The following NCAPD3 variants were observed in gnomAD, a reference collection of about 807,000 sequenced individuals.
NCAPD3 encodes condensin-2 complex subunit D3.
NCAPD3 carries 105 observed loss-of-function variants against 182.9 expected under a neutral mutation model. The observed-to-expected ratio is 0.57, with a 90% confidence interval of 0.49 to 0.68. The LOEUF is 0.68. Among genes scored for constraint, NCAPD3 ranks in the 30% least tolerant of loss-of-function variants. The pLI is 0.00. For synonymous variants in NCAPD3, 815 were observed against 679.9 expected (o/e 1.20, Z -3.09); for missense variants, 1,944 against 1,837.0 (o/e 1.06, Z -1.07).
At chr11:134,156,923 C>A in intron 32 of NCAPD3, 95 bp downstream of exon 32, 1 of 1,107,804 alleles carries the variant, frequency 9.0e-7, no homozygotes. Flanking sequence ...CAGAACTATC[C>A]TGCACCGGAA....
At position 134,160,088 on chromosome 11, in the gene NCAPD3, A is replaced by G; in HGVS notation, c.3685-14T>C. ...CTGCATCACCTCCTGAAACAGAGCC[A>G]GGAGCATCCTTTCATGTTTTCTTGA... On this transcript the variant is annotated splice_polypyrimidine_tract_variant and intron_variant, in intron 28 of 34. Transcript: ENST00000534548. The G allele has an allele frequency of 6.2e-7, 1 of 1,611,802 alleles. No individual in the cohort carries two copies.
intron 30 of NCAPD3, 60 bp from the exon 31 acceptor site, chr11:134,158,127 T>C (rs2120528104): frequency 1.3e-6 from 2 of 1,580,300 alleles, no homozygotes; most frequent in Non-Finnish European, 1.7e-6. Flanking sequence ...GAGGTGACAG[T>C]GCTGCACTGT....
At chr11:134,200,949 G>A (rs187080754) in intron 13 of NCAPD3, among the ~76,000 whole-genome samples, 1 of 151,992 alleles carries the variant, frequency 6.6e-6, no homozygotes, top group East Asian at 1.9e-4. Flanking sequence ...TTGAAAACAC[G>A]CTATAGGTGA....
At chr11:134,214,658 C>T (rs747132408) in intron 3 of NCAPD3, among the ~76,000 whole-genome samples, 4 of 152,084 alleles carry the variant, frequency 2.6e-5, no homozygotes, top group Non-Finnish European at 4.4e-5. Context: ...GAATAAATCT[C>T]GATCTAGATT....
chr11:134,167,901 G>C, intron 27 of NCAPD3, 95 bp downstream of exon 27: 1 of 1,106,316 alleles, frequency 9.0e-7, no homozygotes, highest in Non-Finnish European at 1.3e-6. Context: ...TCACTTGTGA[G>C]ATGAGCTTGG....
upstream of NCAPD3, chr11:134,224,382 C>G (rs1045051794): frequency 9.4e-6 from 2 of 212,882 alleles, no homozygotes; most frequent in Non-Finnish European, 1.9e-5. Flanking sequence ...GAAAGGCAGC[C>G]CAACGTGTAT....
intron 16 of NCAPD3, among the ~76,000 whole-genome samples, chr11:134,189,055 C>G (rs943945893): frequency 1.1e-4 from 17 of 152,108 alleles, no homozygotes; most frequent in Admixed American, 5.2e-4. Flanking sequence ...CAAATTAATA[C>G]AAAGAGCTGT....
chr11:134,157,897 T>C (rs1270378017), intron 31 of NCAPD3, 31 bp downstream of exon 31: 3 of 1,594,270 alleles, frequency 1.9e-6, no homozygotes, highest in Non-Finnish European at 2.6e-6. Context: ...GTAAATGCTC[T>C]ACTGTGTCTG....
intron 24 of NCAPD3, among the ~76,000 whole-genome samples, chr11:134,175,081 A>T (rs1361478106): frequency 6.6e-6 from 1 of 152,240 alleles, no homozygotes; most frequent in Admixed American, 6.5e-5. Flanking sequence ...ACGGTAAAGT[A>T]TATCTATGCT....
chr11:134,163,871 C>CCA (rs1943670724), intron 27 of NCAPD3, among the ~76,000 whole-genome samples: 1 of 70,904 alleles, frequency 1.4e-5, no homozygotes, highest in African/African-American at 5.3e-5. Context: ...GATTCTGTCT[C>CCA]AAAAAAAAAA....
intron 13 of NCAPD3, among the ~76,000 whole-genome samples, chr11:134,202,134 C>T (rs929665694): frequency 2.6e-5 from 4 of 152,208 alleles, no homozygotes; most frequent in Non-Finnish European, 5.9e-5. Flanking sequence ...AGGACCAGAT[C>T]AAGGTTTATT....
At position 134,210,934 on chromosome 11, in the gene NCAPD3, T is replaced by C. The variant is rs114389032; in HGVS notation, c.383-480A>G. Among the ~76,000 whole-genome samples, 637 of 152,278 alleles carry C rather than the reference T, an allele frequency of 4.2e-3. 4 individuals carry two copies. The highest frequency in any genetic ancestry group is 0.015 in the African/African-American group (610 of 41,556). ...AGAAAGACAGGGTAGATGGAATTTA[T>C]AGAACAGAAGAACCTACACAGAAAA... On this transcript the variant is annotated intron_variant, in intron 3 of 34. Transcript: ENST00000534548.
At chr11:134,206,358 T>C (rs953886491) in intron 8 of NCAPD3, among the ~76,000 whole-genome samples, 1 of 152,196 alleles carries the variant, frequency 6.6e-6, no homozygotes, top group Non-Finnish European at 1.5e-5. Context: ...GCAAACAAGC[T>C]GGAGGCTGGC....
At chr11:134,209,262 C>T in intron 5 of NCAPD3, 51 bp downstream of exon 5, 3 of 1,609,622 alleles carry the variant, frequency 1.9e-6, no homozygotes, top group African/African-American at 1.3e-5. Flanking sequence ...AGGTATTAGC[C>T]ATAGTCTAAT....
chr11:134,207,102 C>T (rs1173253940), intron 7 of NCAPD3, among the ~76,000 whole-genome samples: 3 of 152,202 alleles, frequency 2.0e-5, no homozygotes, highest in African/African-American at 7.2e-5. Flanking sequence ...CGATACTTTA[C>T]ACCTGCTTTT....
chr11:134,225,173 C>T (rs1267285680), upstream of NCAPD3: 3 of 1,613,996 alleles, frequency 1.9e-6, no homozygotes, highest in Admixed American at 5.0e-5. Flanking sequence ...TCCTTCTGAA[C>T]GATGCAGAGA....
intron 27 of NCAPD3, among the ~76,000 whole-genome samples, chr11:134,163,700 C>CA (rs57961196): frequency 0.16 from 10,788 of 65,978 alleles, 828 homozygotes; most frequent in Non-Finnish European, 0.2. Context: ...TACTGTGTCT[C>CA]AAAAAAAAAA....
chr11:134,154,638 G>GGGTGGTGCAGCCTCGCCCC, intron 32 of NCAPD3, among the ~76,000 whole-genome samples: 1 of 149,526 alleles, frequency 6.7e-6, no homozygotes. Flanking sequence ...GGGTGGTGCT[G>GGGTGGTGCAGCCTCGCCCC]TACCCAGTGC....
At chr11:134,223,768 C>A in intron 1 of NCAPD3, 95 bp downstream of exon 1, 1 of 1,449,184 alleles carries the variant, frequency 6.9e-7, no homozygotes, top group Admixed American at 2.0e-5. Context: ...GCCCCCACCC[C>A]GCCCCCACCG....
Sources: allele counts gnomAD v4.1 joint callset (sites outside exome capture counted in the v4.1 genomes callset), GRCh38; gene constraint gnomAD v4.1.1; transcripts MANE v1.5; gene names NCBI Gene and HGNC (gene_info 2026-07-23, HGNC 2026-07-21).